Variants in PAPPA2 observed in about 807,000 individuals in gnomAD.
PAPPA2 encodes the protein pappalysin-2.
Under a neutral mutation model 176.4 loss-of-function variants are expected in PAPPA2, and 86 were observed. The observed-to-expected ratio is 0.49, with a 90% confidence interval of 0.41 to 0.58. PAPPA2 has a LOEUF of 0.58. PAPPA2 is among the 20% of genes least tolerant of loss of function. The pLI is 0.00. For missense variants in PAPPA2, 2,073 were observed against 2,256.9 expected (o/e 0.92, Z 1.65); for synonymous variants, 809 against 852.2 (o/e 0.95, Z 0.88).
intron 3 of PAPPA2, among the ~76,000 whole-genome samples, chr1:176,628,112 C>G (rs906509906): frequency 6.6e-6 from 1 of 152,132 alleles, no homozygotes; most frequent in East Asian, 1.9e-4. Flanking sequence ...ATGTTTTTCT[C>G]TGGTCACCAT....
chr1:176,641,074 T>C (rs1271118994), intron 3 of PAPPA2, among the ~76,000 whole-genome samples: 4 of 149,990 alleles, frequency 2.7e-5, no homozygotes, highest in Non-Finnish European at 6.0e-5. Context: ...GAGTTCATTG[T>C]AGATTCTGGA....
intron 21 of PAPPA2, among the ~76,000 whole-genome samples, chr1:176,830,981 T>A (rs1250028523): frequency 6.6e-6 from 1 of 152,170 alleles, no homozygotes; most frequent in African/African-American, 2.4e-5. Flanking sequence ...ATCACTGGAA[T>A]AAAATCTTGA....
intron 1 of PAPPA2, among the ~76,000 whole-genome samples, chr1:176,541,267 T>G (rs1440601937): frequency 1.3e-4 from 20 of 152,238 alleles, no homozygotes. Flanking sequence ...TCCACATGAT[T>G]TCTCCACTTG....
At chr1:176,761,110 C>T (rs762949471) in intron 14 of PAPPA2, among the ~76,000 whole-genome samples, 13 of 152,056 alleles carry the variant, frequency 8.5e-5, no homozygotes, top group African/African-American at 1.4e-4. Flanking sequence ...TATGAGCCAC[C>T]GCACCCGGCC....
chr1:176,650,019 T>C (rs996727454), intron 3 of PAPPA2, among the ~76,000 whole-genome samples: 6 of 151,640 alleles, frequency 4.0e-5, no homozygotes, highest in Non-Finnish European at 5.9e-5. Context: ...ACTATTATTG[T>C]ATTGCAGTCT....
intron 14 of PAPPA2, among the ~76,000 whole-genome samples, chr1:176,743,416 T>C (rs1159918246): frequency 6.6e-6 from 1 of 152,180 alleles, no homozygotes; most frequent in East Asian, 1.9e-4. Context: ...CCCTTTAGTC[T>C]TGAAAACCAA....
chr1:176,766,502 A>C (rs1663970834), intron 15 of PAPPA2, among the ~76,000 whole-genome samples: 1 of 152,240 alleles, frequency 6.6e-6, no homozygotes, highest in Non-Finnish European at 1.5e-5. Context: ...AAAATAAACA[A>C]AAGAAATTAA....
chr1:176,581,715 G>C (rs1389044949), intron 2 of PAPPA2, among the ~76,000 whole-genome samples: 1 of 151,844 alleles, frequency 6.6e-6, no homozygotes, highest in Non-Finnish European at 1.5e-5. Context: ...TGCTTCTGTA[G>C]CTATTCTAAA....
chr1:176,765,943 T>C lies in PAPPA2; in HGVS notation c.4323+106T>C, dbSNP rs1663945693. On this transcript the variant is annotated intron_variant, in intron 15 of 22. Coordinates refer to ENST00000367662, the MANE Select transcript of PAPPA2 (RefSeq NM_020318.3). ...GAAAGAGCAGATGTTTTTAAACCAT[T>C]TGAAAGCAAAACATGGGGGCTCTAA... 3 of 1,359,862 alleles carry C rather than the reference T, an allele frequency of 2.2e-6. No homozygotes were observed. The South Asian group carries it at 4.3e-5, about 20-fold the overall frequency. The allele number at this position is 1,359,862 out of a possible 1,614,324, so 84.2% of individuals were successfully genotyped here.
At chr1:176,626,007 A>G (rs1655984685) in intron 3 of PAPPA2, among the ~76,000 whole-genome samples, 1 of 152,202 alleles carries the variant, frequency 6.6e-6, no homozygotes, top group African/African-American at 2.4e-5. Context: ...TGGGCAACAG[A>G]GTGAGACTCT....
At chr1:176,620,038 G>A (rs895223396) in intron 3 of PAPPA2, among the ~76,000 whole-genome samples, 6 of 152,182 alleles carry the variant, frequency 3.9e-5, no homozygotes, top group African/African-American at 1.4e-4. Flanking sequence ...ATTTGTCATA[G>A]TTCTAGAGGC....
Position 176,594,545 on chromosome 1 carries a change from A to G in PAPPA2, c.941A>G (p.His314Arg), listed in dbSNP as rs775389506. ...IIAGVFDNCS[H>R]TVSDKGWALG... ...CCAGGTGTGTTTGATAACTGCTCCC[A>G]CACTGTCAGTGACAAAGGCTGGGCC... The change falls in exon 3 of 23, where the codon CAC (histidine) becomes CGC (arginine). Residue 314 changes from histidine (H) to arginine (R), a missense_variant. By Grantham distance (29) the His-to-Arg change is conservative. Coordinates refer to ENST00000367662, the MANE Select transcript of PAPPA2 (RefSeq NM_020318.3). 2.5e-6 allele frequency: 4 copies of G among 1,613,868 alleles called. No individual in the cohort carries two copies. The South Asian group carries it at 3.3e-5, about 13-fold the overall frequency.
intron 2 of PAPPA2, among the ~76,000 whole-genome samples, chr1:176,573,925 A>ATG (rs375255563): frequency 1.1e-4 from 16 of 151,464 alleles, no homozygotes; most frequent in East Asian, 5.8e-4. Flanking sequence ...TGGTGTATGT[A>ATG]TGTGTGTGTG....
intron 1 of PAPPA2, among the ~76,000 whole-genome samples, chr1:176,510,454 TTAAA>T (rs1356176743): frequency 6.6e-6 from 1 of 152,126 alleles, no homozygotes; most frequent in Non-Finnish European, 1.5e-5. Flanking sequence ...AAAGTGGAGT[TTAAA>T]TAATGGCTTT....
chr1:176,789,191 A>C (rs1309485829), intron 17 of PAPPA2, among the ~76,000 whole-genome samples: 1 of 152,214 alleles, frequency 6.6e-6, no homozygotes, highest in Non-Finnish European at 1.5e-5. Flanking sequence ...AAAATGTGGC[A>C]CATATACACA....
intron 3 of PAPPA2, among the ~76,000 whole-genome samples, chr1:176,607,309 T>C (rs1254759620): frequency 6.6e-6 from 1 of 152,216 alleles, no homozygotes; most frequent in Non-Finnish European, 1.5e-5. Context: ...GTAGCGCTTA[T>C]AGCTTTTATC....
intron 4 of PAPPA2, among the ~76,000 whole-genome samples, chr1:176,678,256 A>G (rs1410380725): frequency 6.6e-6 from 1 of 152,162 alleles, no homozygotes; most frequent in African/African-American, 2.4e-5. Context: ...AGTAACACCT[A>G]AACATCCAAT....
intron 3 of PAPPA2, among the ~76,000 whole-genome samples, chr1:176,640,863 C>G (rs1450942255): frequency 3.3e-5 from 5 of 151,422 alleles, no homozygotes; most frequent in Non-Finnish European, 5.9e-5. Flanking sequence ...TGTTTCCTGA[C>G]TTTTTAATGA....
intron 2 of PAPPA2, among the ~76,000 whole-genome samples, chr1:176,584,309 C>A (rs1020111549): frequency 1.3e-5 from 2 of 151,926 alleles, no homozygotes; most frequent in Non-Finnish European, 2.9e-5. Context: ...CTTTATATAT[C>A]TGGGTGCTCT....
Sources: allele counts gnomAD v4.1 joint callset (sites outside exome capture counted in the v4.1 genomes callset), GRCh38; gene constraint gnomAD v4.1.1; transcripts MANE v1.5; gene names NCBI Gene and HGNC (gene_info 2026-07-23, HGNC 2026-07-21).